ASB5: variants seen among roughly 807,000 people sequenced by gnomAD.
The protein encoded by ASB5 is ankyrin repeat and SOCS box protein 5.
ASB5 carries 45 observed loss-of-function variants against 42.1 expected under a neutral mutation model. The ratio of observed to expected loss-of-function variants is 1.07; its 90% CI spans 0.84 to 1.37. ASB5 has a LOEUF of 1.37. Among genes scored for constraint, ASB5 ranks in the 40% most tolerant of loss-of-function variants. The probability of loss-of-function intolerance (pLI) is 0.00; values close to 1 mark genes in which losing one functional copy is unlikely to be tolerated. For missense variants in ASB5, 402 were observed against 399.8 expected (o/e 1.01, Z -0.05); for synonymous variants, 147 against 150.6 (o/e 0.98, Z 0.18).
At chr4:176,229,123 T>C (rs901926090) in intron 1 of ASB5, among the ~76,000 whole-genome samples, 25 of 152,240 alleles carry the variant, frequency 1.6e-4, no homozygotes, top group Non-Finnish European at 3.4e-4. Context: ...ATAATATTTA[T>C]AATGATCAGT....
At chr4:176,256,918 A>T (rs1331265173) in intron 1 of ASB5, among the ~76,000 whole-genome samples, 1 of 152,188 alleles carries the variant, frequency 6.6e-6, no homozygotes, top group Non-Finnish European at 1.5e-5. Context: ...AGAAAAAAAG[A>T]AAAGAAAAAC....
At chr4:176,259,236 T>C (rs1231469549) in intron 1 of ASB5, among the ~76,000 whole-genome samples, 1 of 152,128 alleles carries the variant, frequency 6.6e-6, no homozygotes, top group Non-Finnish European at 1.5e-5. Context: ...AATTAGCACT[T>C]TTTCCTTTTC....
intron 2 of ASB5, among the ~76,000 whole-genome samples, chr4:176,274,373 C>G (rs910953970): frequency 3.3e-5 from 5 of 152,090 alleles, no homozygotes; most frequent in African/African-American, 1.2e-4. Flanking sequence ...AAAAAAACCC[C>G]TGATATATTT....
Position 176,221,238 on chromosome 4 carries a change from T to C in ASB5, c.587A>G (p.Gln196Arg), listed in dbSNP as rs1365277005. The change falls in exon 5 of 7, where the codon CAA becomes CGA. Residue 196 changes from glutamine to arginine, a missense_variant. Gln to Arg is a conservative substitution (Grantham distance 43). Transcript: ENST00000296525. ...AGGAGTTCCCAAATGAGGAATTTCT[T>C]GGTCAACATCTATGCCCCAGGATAT... ...ILISWGIDVD[Q>R]EIPHLGTPLY... The C allele has an allele frequency of 6.2e-7, 1 of 1,614,140 alleles. No homozygotes were observed. The highest frequency in any genetic ancestry group is 8.5e-7 in the Non-Finnish European group (1 of 1,180,004).
At chr4:176,252,276 C>T (rs766274434) in intron 1 of ASB5, among the ~76,000 whole-genome samples, 9 of 152,248 alleles carry the variant, frequency 5.9e-5, no homozygotes, top group Non-Finnish European at 8.8e-5. Context: ...TCTGTCTTCA[C>T]TTGTTGTTTG....
chr4:176,247,750 T>A (rs763608273), intron 1 of ASB5, among the ~76,000 whole-genome samples: 1 of 152,202 alleles, frequency 6.6e-6, no homozygotes, highest in East Asian at 1.9e-4. Context: ...ATTTTTAAGA[T>A]GAATTCCACA....
chr4:176,246,229 TA>T (rs1753909683), intron 1 of ASB5, among the ~76,000 whole-genome samples: 1 of 152,168 alleles, frequency 6.6e-6, no homozygotes, highest in African/African-American at 2.4e-5. Flanking sequence ...GAAAGGCTTT[TA>T]CAGCTACTAT....
chr4:176,256,749 G>A (rs1049208823), intron 1 of ASB5, among the ~76,000 whole-genome samples: 9 of 152,060 alleles, frequency 5.9e-5, no homozygotes, highest in South Asian at 2.1e-4. Flanking sequence ...GACCAGCCTG[G>A]GCAACATGGT....
chr4:176,228,359 C>T (rs1420984915), intron 1 of ASB5, among the ~76,000 whole-genome samples: 1 of 152,150 alleles, frequency 6.6e-6, no homozygotes, highest in African/African-American at 2.4e-5. Context: ...AAAGCAATTC[C>T]TTGAATACGT....
At chr4:176,225,799 A>G (rs1164771169) in intron 1 of ASB5, among the ~76,000 whole-genome samples, 1 of 152,130 alleles carries the variant, frequency 6.6e-6, no homozygotes, top group Non-Finnish European at 1.5e-5. Context: ...CATGTTGGCC[A>G]GGCTGGTCTT....
chr4:176,233,040 C>T (rs1267524279), intron 1 of ASB5, among the ~76,000 whole-genome samples: 2 of 152,156 alleles, frequency 1.3e-5, no homozygotes, highest in African/African-American at 4.8e-5. Flanking sequence ...GTTTTCTCAA[C>T]TGTAAAAACA....
At chr4:176,249,963 G>C (rs1002611359) in intron 1 of ASB5, among the ~76,000 whole-genome samples, 1 of 151,712 alleles carries the variant, frequency 6.6e-6, no homozygotes, top group Non-Finnish European at 1.5e-5. Context: ...TACTCGGGAG[G>C]CTGAGGCAGG....
Position 176,214,182 on chromosome 4 carries a change from C to G in ASB5, c.*1418G>C, listed in dbSNP as rs1207229238. On this transcript the variant is annotated 3_prime_UTR_variant, in exon 7 of 7. Coordinates refer to ENST00000296525, the MANE Select transcript of ASB5 (RefSeq NM_080874.4). ...TCTGCCAAAATGCAAGCTTAGTGAT[C>G]TGGGGGTCACATACAATCATAATTT... is the stretch of plus-strand genomic sequence containing the variant. 1 of 151,974 alleles carries G rather than the reference C, an allele frequency of 6.6e-6. No individual in the cohort carries two copies. Among genetic ancestry groups the G allele is most frequent in the Non-Finnish European group, 1.5e-5 (1 of 67,976 alleles). The allele number at this position is 151,974 out of a possible 1,614,324, so 9.4% of individuals were successfully genotyped here.
intron 1 of ASB5, among the ~76,000 whole-genome samples, chr4:176,235,562 G>A (rs1753663809): frequency 6.6e-6 from 1 of 152,088 alleles, no homozygotes; most frequent in South Asian, 2.1e-4. Flanking sequence ...AGCATTATGT[G>A]TGTATTTATT....
intron 1 of ASB5, among the ~76,000 whole-genome samples, chr4:176,254,720 T>C (rs2603096): frequency 0.68 from 104,079 of 151,954 alleles, 36,043 homozygotes; most frequent in Middle Eastern, 0.76. Context: ...ACAAATAACC[T>C]CATTAGAAAA....
intron 1 of ASB5, among the ~76,000 whole-genome samples, chr4:176,241,297 G>T (rs1317556211): frequency 6.6e-6 from 1 of 152,100 alleles, no homozygotes; most frequent in Non-Finnish European, 1.5e-5. Context: ...CAGGACAAAA[G>T]TCTGTGATAA....
chr4:176,236,520 T>G (rs1202575201), intron 1 of ASB5, among the ~76,000 whole-genome samples: 5 of 152,190 alleles, frequency 3.3e-5, no homozygotes, highest in Non-Finnish European at 7.3e-5. Context: ...TGTATTGGGG[T>G]GGGGAGTAGG....
intron 1 of ASB5, among the ~76,000 whole-genome samples, chr4:176,229,929 G>T (rs13113321): frequency 0.2 from 29,711 of 152,140 alleles, 3,159 homozygotes; most frequent in Middle Eastern, 0.29. Flanking sequence ...TGGGAGTGGA[G>T]AGCAGAAGGA....
chr4:176,239,745 G>A (rs967873923), intron 1 of ASB5, among the ~76,000 whole-genome samples: 3 of 152,076 alleles, frequency 2.0e-5, no homozygotes, highest in Non-Finnish European at 4.4e-5. Context: ...CAGGGCAGTG[G>A]GGAAAAAAGA....
Sources: allele counts gnomAD v4.1 joint callset (sites outside exome capture counted in the v4.1 genomes callset), GRCh38; gene constraint gnomAD v4.1.1; transcripts MANE v1.5; gene names NCBI Gene and HGNC (gene_info 2026-07-23, HGNC 2026-07-21).